Variants in CNTNAP5 observed in about 807,000 individuals in gnomAD.
CNTNAP5 encodes the protein contactin associated protein family member 5, also known as contactin-associated protein-like 5.
A neutral mutation model predicts 150.2 loss-of-function variants in CNTNAP5; 72 were observed. That is an observed-to-expected ratio of 0.48 (90% CI 0.40 to 0.58). The LOEUF (loss-of-function observed/expected upper bound fraction) is 0.58. Among genes scored for constraint, CNTNAP5 ranks in the 20% least tolerant of loss-of-function variants. The pLI, the probability that CNTNAP5 is intolerant of heterozygous loss-of-function variation, is 0.00. For missense variants in CNTNAP5, 1,636 were observed against 1,626.2 expected, an observed-to-expected ratio of 1.01 and a Z score of -0.10; for synonymous variants, 672 against 619.8, an observed-to-expected ratio of 1.08 and a Z score of -1.25.
At chr2:124,294,821 T>C (rs759340267) in intron 3 of CNTNAP5, among the ~76,000 whole-genome samples, 25 of 152,214 alleles carry the variant, frequency 1.6e-4, no homozygotes, top group Non-Finnish European at 3.2e-4. Context: ...CTTTATATAA[T>C]ATTTAAAAAT....
At chr2:124,378,590 G>C (rs766616492) in intron 3 of CNTNAP5, among the ~76,000 whole-genome samples, 17 of 151,900 alleles carry the variant, frequency 1.1e-4, no homozygotes, top group Non-Finnish European at 2.4e-4. Context: ...TTCAACAAAA[G>C]TCCTTGACTT....
At chr2:124,668,254 G>C (rs1223459644) in intron 13 of CNTNAP5, among the ~76,000 whole-genome samples, 1 of 152,166 alleles carries the variant, frequency 6.6e-6, no homozygotes, top group African/African-American at 2.4e-5. Context: ...CGGGGCTTCT[G>C]CAGGGAGCAG....
At chr2:124,791,558 G>A (rs571823716) in intron 18 of CNTNAP5, among the ~76,000 whole-genome samples, 2 of 152,214 alleles carry the variant, frequency 1.3e-5, no homozygotes, top group South Asian at 2.1e-4. Context: ...GCACTGAAAT[G>A]CACAAGCATT....
intron 3 of CNTNAP5, among the ~76,000 whole-genome samples, chr2:124,348,431 C>T (rs1689793621): frequency 6.6e-6 from 1 of 152,132 alleles, no homozygotes; most frequent in African/African-American, 2.4e-5. Flanking sequence ...CTGTCTCTCA[C>T]TATTAAGTAT....
chr2:124,262,331 A>G (rs1687479881), intron 3 of CNTNAP5, among the ~76,000 whole-genome samples: 1 of 152,210 alleles, frequency 6.6e-6, no homozygotes, highest in African/African-American at 2.4e-5. Context: ...TGAATCAATT[A>G]GTGAATAGTG....
Position 124,058,638 on chromosome 2 carries a change from G to A in CNTNAP5, c.82+32906G>A, listed in dbSNP as rs536709925. ...TTAAATGTTTGGTAATTTGCCTGTC[G>A]TTGTCATCAGCCTAAAAGCTTCCTA... On this transcript the variant is annotated intron_variant, in intron 1 of 23. Transcript: ENST00000682447. Among the ~76,000 whole-genome samples the A allele has an allele frequency of 3.6e-4, 55 of 151,882 alleles. No individual in the cohort carries two copies. In the South Asian group the frequency reaches 5.0e-3, roughly 14 times the overall value.
In CNTNAP5 at chr2:124,098,837, C is replaced by T. The variant is rs564145004; in HGVS notation, c.82+73105C>T. Among the ~76,000 whole-genome samples the T allele has an allele frequency of 2.0e-5, 3 of 152,282 alleles. No individual in the cohort carries two copies. The South Asian group carries it at 6.2e-4, about 32-fold the overall frequency. On this transcript the variant is annotated intron_variant, in intron 1 of 23. Coordinates refer to ENST00000682447, the MANE Select transcript of CNTNAP5 (RefSeq NM_001367498.1). ...AACATCAGAAAGGGGGATAAAGTGT[C>T]AGGAACTCCACTGCAGTGATATCAC...
In CNTNAP5 at chr2:124,894,849, A is replaced by G. The variant is rs180906324; in HGVS notation, c.3437-8033A>G. On this transcript the variant is annotated intron_variant, in intron 21 of 23. Transcript: ENST00000682447. ...ATTATAAGAGTGAGCCACAGCACCTAGCCTTCAAGTCCCAGTCTTAATGCC... is the reference window on the plus strand; with the variant it reads ...ATTATAAGAGTGAGCCACAGCACCTGGCCTTCAAGTCCCAGTCTTAATGCC... Among the ~76,000 whole-genome samples the G allele has an allele frequency of 5.5e-4, 83 of 151,480 alleles. 4 individuals carry two copies. Among genetic ancestry groups the G allele is most frequent in the African/African-American group, 2.0e-3 (83 of 40,924 alleles).
intron 4 of CNTNAP5, among the ~76,000 whole-genome samples, chr2:124,431,737 T>C (rs955352630): frequency 2.0e-5 from 3 of 149,336 alleles, no homozygotes; most frequent in African/African-American, 7.3e-5. Context: ...TATTTATTTA[T>C]ATAAATATTA....
At chr2:124,036,105 T>G in intron 1 of CNTNAP5, among the ~76,000 whole-genome samples, 1 of 150,632 alleles carries the variant, frequency 6.6e-6, no homozygotes, top group East Asian at 2.0e-4. Context: ...TTTGTATTTT[T>G]AGTAGAGACG....
chr2:124,432,818 G>T (rs956197331), intron 4 of CNTNAP5, among the ~76,000 whole-genome samples: 3 of 152,170 alleles, frequency 2.0e-5, no homozygotes, highest in Admixed American at 6.5e-5. Context: ...ATCATTTGGG[G>T]TAAGAAGGTA....
intron 2 of CNTNAP5, among the ~76,000 whole-genome samples, chr2:124,238,696 C>T (rs1178696881): frequency 1.3e-5 from 2 of 152,258 alleles, no homozygotes; most frequent in African/African-American, 4.8e-5. Flanking sequence ...CCTCAGTCAA[C>T]ACCTTCAACT....
At chr2:124,227,879 G>A (rs772040552) in intron 2 of CNTNAP5, among the ~76,000 whole-genome samples, 2 of 150,642 alleles carry the variant, frequency 1.3e-5, no homozygotes, top group African/African-American at 2.5e-5. Flanking sequence ...GAACCAACGG[G>A]ATATATATAT....
chr2:124,149,403 C>CAAAAAAAA (rs71394025), intron 1 of CNTNAP5, among the ~76,000 whole-genome samples: 5 of 82,780 alleles, frequency 6.0e-5, no homozygotes, highest in African/African-American at 1.5e-4. Flanking sequence ...GCGTCAATTG[C>CAAAAAAAA]AAAAAAAAAA....
intron 3 of CNTNAP5, among the ~76,000 whole-genome samples, chr2:124,266,116 GC>G (rs1687600771): frequency 6.6e-6 from 1 of 151,982 alleles, no homozygotes; most frequent in South Asian, 2.1e-4. Flanking sequence ...AAATTATTGG[GC>G]CCATAAGACT....
intron 13 of CNTNAP5, among the ~76,000 whole-genome samples, chr2:124,746,343 T>G (rs1367638942): frequency 1.3e-5 from 2 of 152,132 alleles, no homozygotes; most frequent in East Asian, 3.9e-4. Flanking sequence ...CTAAACTACA[T>G]TTTGTAAAGA....
intron 1 of CNTNAP5, among the ~76,000 whole-genome samples, chr2:124,154,400 G>T (rs72845527): frequency 0.088 from 13,392 of 152,140 alleles, 795 homozygotes; most frequent in East Asian, 0.34. Flanking sequence ...AGCTGATGGG[G>T]GTGAGGAGAG....
chr2:124,149,590 T>G (rs191052681), intron 1 of CNTNAP5, among the ~76,000 whole-genome samples: 53 of 152,244 alleles, frequency 3.5e-4, no homozygotes, highest in Non-Finnish European at 4.6e-4. Flanking sequence ...TAAGAAATTT[T>G]CTTCAAACAG....
intron 17 of CNTNAP5, among the ~76,000 whole-genome samples, chr2:124,786,351 GGAAGAAAGAAAGAAAGA>G (rs1558774961): frequency 1.7e-4 from 16 of 92,156 alleles, no homozygotes; most frequent in African/African-American, 5.6e-4. Flanking sequence ...AAGAAAGAAA[GGAAGAAAGAAAGAAAGA>G]AAGAAAGAAA....
Sources: allele counts gnomAD v4.1 joint callset (sites outside exome capture counted in the v4.1 genomes callset), GRCh38; gene constraint gnomAD v4.1.1; transcripts MANE v1.5; gene names NCBI Gene and HGNC (gene_info 2026-07-23, HGNC 2026-07-21).